Variants in OXSM observed in about 807,000 individuals in gnomAD.
The protein encoded by OXSM is 3-oxoacyl-[acyl-carrier-protein] synthase, mitochondrial.
In OXSM, 19 loss-of-function variants were observed where a neutral mutation model predicts 29.2. The observed-to-expected ratio is 0.65, with a 90% CI of 0.45 to 0.96. The LOEUF (loss-of-function observed/expected upper bound fraction) is 0.96, where lower values mean the gene tolerates loss of function less well. Ranked by LOEUF, OXSM falls within the 40% of genes least tolerant of loss-of-function variation. The pLI is 0.00. For synonymous variants in OXSM, 178 were observed against 197.1 expected (o/e 0.90, Z 0.81); for missense variants, 554 against 551.3 (o/e 1.00, Z -0.05).
At chr3:25,794,025 T>C (rs1031352088) in intron 2 of OXSM, 67 bp from the exon 3 acceptor site, 22 of 1,400,788 alleles carry the variant, frequency 1.6e-5, no homozygotes, top group Non-Finnish European at 1.9e-5. Flanking sequence ...ACATAAGCCA[T>C]ACAGATAAAG....
Position 25,794,310 on chromosome 3 carries a change from C to A in OXSM, c.1196C>A (p.Thr399Lys). ...GGGGCAGTCGAGGCAGCTTTTACCA[C>A]ATTAGCTTGTTATTATCAAAAACTA... Reference protein sequence around the residue: ...AAGAVEAAFTTLACYYQKLPP... With the variant: ...AAGAVEAAFTKLACYYQKLPP... Residue 399 changes from threonine to lysine, a missense_variant, in exon 3 of 3, where the codon ACA becomes AAA. Transcript: ENST00000280701. 1 of 1,614,202 alleles carries A rather than the reference C, an allele frequency of 6.2e-7. No homozygotes were observed. The highest frequency in any genetic ancestry group is 1.1e-5 in the South Asian group (1 of 91,086).
Position 25,791,996 on chromosome 3 carries a change from A to T in OXSM, c.976A>T (p.Arg326Trp), listed in dbSNP as rs747046879. 6.3e-7 allele frequency: 1 copy of T among 1,591,144 alleles called. No homozygotes were observed. The highest frequency in any genetic ancestry group is 1.1e-5 in the South Asian group (1 of 89,826). ...TGATCCTGAAGGAGAAGGTGCCTTA[A>T]GGTAAAGATGGGTTATTTCCTTCGA... ...APDPEGEGAL[R>W]CMAAALKDAG... The change falls in exon 2 of 3, where the codon AGG becomes TGG. Residue 326 changes from arginine to tryptophan, a missense_variant and splice_region_variant. Physicochemically the swap from Arg to Trp is moderately radical, Grantham distance 101 (BLOSUM62 -3). Transcript: ENST00000280701.
chr3:25,794,234 C>G lies in OXSM; in HGVS notation c.1120C>G (p.Leu374Val). The G allele has an allele frequency of 6.2e-7, 1 of 1,614,226 alleles. No homozygotes were observed. ...KHLFKDHAYA[L>V]AVSSTKGATG... ...TCTCTTCAAAGACCATGCATATGCCCTTGCAGTTTCCTCAACTAAGGGAGC... is the reference window on the plus strand; with the variant it reads ...TCTCTTCAAAGACCATGCATATGCCGTTGCAGTTTCCTCAACTAAGGGAGC... The change falls in exon 3 of 3, where the codon CTT becomes GTT. Residue 374 changes from leucine (L) to valine (V), a missense_variant. Transcript: ENST00000280701.
In OXSM at chr3:25,791,004, T is replaced by A. The variant is rs759452393; in HGVS notation, c.-17T>A. 3.1e-6 allele frequency: 5 copies of A among 1,599,728 alleles called. No individual in the cohort carries two copies. ...GTCTTTTACAGGAATGTGTTTCTGA[T>A]CATCTGAATCTTAATCATGTCCAAC... On this transcript the variant is annotated 5_prime_UTR_variant, in exon 2 of 3. Transcript: ENST00000280701.
intron 2 of OXSM, among the ~76,000 whole-genome samples, chr3:25,792,626 G>C (rs776896364): frequency 2.6e-5 from 4 of 152,016 alleles, no homozygotes; most frequent in Non-Finnish European, 2.9e-5. Context: ...ACAGGAATGC[G>C]CCACTGAGAC....
In OXSM at chr3:25,791,938, A is replaced by G. The variant is rs1166405193; in HGVS notation, c.918A>G (p.Gly306=). 13 of 1,601,106 alleles carry G rather than the reference A, an allele frequency of 8.1e-6. No individual in the cohort carries two copies. Among genetic ancestry groups the G allele is most frequent in the Non-Finnish European group, 1.1e-5 (13 of 1,179,836 alleles). ...TCTATGCAGAAGTTTTGGGCTATGG[A>G]CTCTCAGGTGATGCTGGTCACATAA... ...ARIYAEVLGY[G]LSGDAGHITA... is the part of the protein sequence containing the mutation. The change falls in exon 2 of 3, where the codon GGA becomes GGG. Residue 306 remains glycine (G), a synonymous_variant. Transcript: ENST00000280701.
Position 25,794,291 on chromosome 3 carries a change from G to A in OXSM, c.1177G>A (p.Val393Ile). 6.2e-7 allele frequency: 1 copy of A among 1,614,238 alleles called. No individual in the cohort carries two copies. Among genetic ancestry groups the A allele is most frequent in the Non-Finnish European group, 8.5e-7 (1 of 1,180,030 alleles). Reference sequence around the variant, plus strand: ...ACATCTGCTGGGAGCTGCAGGGGCAGTCGAGGCAGCTTTTACCACATTAGC... The same window carrying A: ...ACATCTGCTGGGAGCTGCAGGGGCAATCGAGGCAGCTTTTACCACATTAGC... ...TGHLLGAAGA[V>I]EAAFTTLACY... is the part of the protein sequence containing the mutation. Residue 393 changes from valine to isoleucine, a missense_variant, in exon 3 of 3, where the codon GTC becomes ATC. By Grantham distance (29) the Val-to-Ile change is conservative (BLOSUM62 3). Coordinates refer to ENST00000280701, the MANE Select transcript of OXSM (RefSeq NM_017897.3).
chr3:25,790,296 G>T (rs1335510489), intron 1 of OXSM, 149 bp downstream of exon 1: 2 of 276,824 alleles, frequency 7.2e-6, no homozygotes, highest in Non-Finnish European at 1.4e-5. Flanking sequence ...TACATGTGTG[G>T]TGGTGCCTGA....
At position 25,794,329 on chromosome 3, in the gene OXSM, A is replaced by C. The variant is rs776176927; in HGVS notation, c.1215A>C (p.Gln405His). The C allele has an allele frequency of 6.2e-7, 1 of 1,614,230 alleles. No homozygotes were observed. Among genetic ancestry groups the C allele is most frequent in the South Asian group, 1.1e-5 (1 of 91,090 alleles). Residue 405 changes from glutamine to histidine, a missense_variant, in exon 3 of 3, where the codon CAA becomes CAC. Gln to His is a conservative substitution (Grantham distance 24, BLOSUM62 0). Transcript: ENST00000280701. ...TTACCACATTAGCTTGTTATTATCA[A>C]AAACTACCACCTACTTTAAACCTGG... The part of the protein sequence containing the change: ...AAFTTLACYY[Q>H]KLPPTLNLDC...
Position 25,793,221 on chromosome 3 carries a change from T to C in OXSM, c.978-871T>C, listed in dbSNP as rs747046647. ...AGAGCAAGAGCTGGTCTCAAACTCC[T>C]GGCCTCAAGCAGTCCTCCTGCCTTG... is the stretch of plus-strand genomic sequence containing the variant. On this transcript the variant is annotated intron_variant, in intron 2 of 2. Transcript: ENST00000280701. 3.9e-5 allele frequency among the ~76,000 whole-genome samples: 6 copies of C among 152,040 alleles called. No individual in the cohort carries two copies. In the East Asian group the frequency reaches 1.2e-3, roughly 29 times the overall value.
rs17017016 is a variant in OXSM at position 25,791,737 on chromosome 3, T to C, written c.717T>C (p.Cys239=). 7.4e-3 allele frequency: 11,928 copies of C among 1,614,122 alleles called. 792 individuals carry two copies. In the African/African-American group the frequency reaches 0.14, roughly 19 times the overall value. ...TGGTGGCTGGAGGTACAGATTCTTG[T>C]ATTAGCCCTTTATCTCTTGCTGGGT... The part of the protein sequence containing the change: ...DVMVAGGTDS[C]ISPLSLAGFS... Residue 239 remains cysteine (C), a synonymous_variant, in exon 2 of 3, where the codon TGT becomes TGC. Transcript: ENST00000280701.
rs761227163 is a variant in OXSM, at chr3:25,791,068, T to A, written c.48T>A (p.Leu16=). ...QNFLKITSTR[L]LCSRLCQQLR... ...TCCTGAAAATTACAAGCACTCGTCT[T>A]CTATGTTCAAGATTATGCCAACAGT... The change falls in exon 2 of 3, where the codon CTT becomes CTA. Residue 16 remains leucine, a synonymous_variant. Transcript: ENST00000280701. 1.2e-6 allele frequency: 2 copies of A among 1,613,848 alleles called. No homozygotes were observed. The highest frequency in any genetic ancestry group is 1.7e-6 in the Non-Finnish European group (2 of 1,179,694).
At chr3:25,792,376 T>C (rs1708779333) in intron 2 of OXSM, among the ~76,000 whole-genome samples, 1 of 152,212 alleles carries the variant, frequency 6.6e-6, no homozygotes, top group Non-Finnish European at 1.5e-5. Flanking sequence ...TTTTGCTCCA[T>C]TTCAACAGGA....
rs745995195 is a variant in OXSM, at chr3:25,791,880, A to G, written c.860A>G (p.Glu287Gly). ...GEGAAVLVLE[E>G]YEHAVQRRAR... is the part of the protein sequence containing the mutation. Reference sequence around the variant, plus strand: ...GGTGCAGCTGTGCTGGTGCTGGAAGAATATGAACATGCTGTTCAAAGAAGA... The same window carrying G: ...GGTGCAGCTGTGCTGGTGCTGGAAGGATATGAACATGCTGTTCAAAGAAGA... The change falls in exon 2 of 3, where the codon GAA becomes GGA. Residue 287 changes from glutamate (E) to glycine (G), a missense_variant. Transcript: ENST00000280701. 1.9e-6 allele frequency: 3 copies of G among 1,611,734 alleles called. No individual in the cohort carries two copies. Among genetic ancestry groups the G allele is most frequent in the South Asian group, 2.2e-5 (2 of 91,086 alleles).
chr3:25,790,938 C>A, intron 1 of OXSM, 52 bp from the exon 2 acceptor site: 2 of 1,357,536 alleles, frequency 1.5e-6, no homozygotes, highest in South Asian at 2.8e-5. Flanking sequence ...TTTCCTTAGG[C>A]CCTTAAGCTA....
chr3:25,793,941 A>C (rs1012779717), intron 2 of OXSM, 151 bp from the exon 3 acceptor site: 1 of 658,858 alleles, frequency 1.5e-6, no homozygotes, highest in South Asian at 2.0e-5. Context: ...TCACATGGTA[A>C]TCCAAGATAG....
chr3:25,791,248 G>A lies in OXSM; in HGVS notation c.228G>A (p.Leu76=). 6.2e-7 allele frequency: 1 copy of A among 1,614,198 alleles called. No individual in the cohort carries two copies. Among genetic ancestry groups the A allele is most frequent in the Non-Finnish European group, 8.5e-7 (1 of 1,180,024 alleles). ...GAGGAGAGAGTGGAATTGTTTCACTGGTTGGTGAAGAGTATAAGAGTATCC... is the reference window on the plus strand; with the variant it reads ...GAGGAGAGAGTGGAATTGTTTCACTAGTTGGTGAAGAGTATAAGAGTATCC... ...LIGGESGIVS[L]VGEEYKSIPC... The change falls in exon 2 of 3, where the codon CTG becomes CTA. Residue 76 remains leucine (L), a synonymous_variant. Transcript: ENST00000280701.
rs201357600 is a variant in OXSM at position 25,794,293 on chromosome 3, C to T, written c.1179C>T (p.Val393=). The change falls in exon 3 of 3, where the codon GTC becomes GTT. Residue 393 remains valine (V), a synonymous_variant. Transcript: ENST00000280701. The stretch of plus-strand genomic sequence containing the variant: ...ATCTGCTGGGAGCTGCAGGGGCAGT[C>T]GAGGCAGCTTTTACCACATTAGCTT... ...TGHLLGAAGA[V]EAAFTTLACY... 6.2e-6 allele frequency: 10 copies of T among 1,614,170 alleles called. 1 individual carries two copies. Among genetic ancestry groups the T allele is most frequent in the African/African-American group, 2.7e-5 (2 of 75,054 alleles).
At position 25,791,370 on chromosome 3, in the gene OXSM, C is replaced by T. The variant is rs2125339774; in HGVS notation, c.350C>T (p.Ser117Phe). The stretch of plus-strand genomic sequence containing the variant: ...AAATCAGATATCAAGTCCATGTCTT[C>T]TCCCACCATCATGGCCATTGGGGCT... ...VSKSDIKSMSSPTIMAIGAAE... is the reference protein window; with the variant it reads ...VSKSDIKSMSFPTIMAIGAAE... The change falls in exon 2 of 3, where the codon TCT becomes TTT. Residue 117 changes from serine to phenylalanine, a missense_variant. Ser to Phe is a radical substitution (Grantham distance 155). Coordinates refer to ENST00000280701, the MANE Select transcript of OXSM (RefSeq NM_017897.3). 2 of 1,614,168 alleles carry T rather than the reference C, an allele frequency of 1.2e-6. No individual in the cohort carries two copies. Among genetic ancestry groups the T allele is most frequent in the East Asian group, 2.2e-5 (1 of 44,890 alleles).
Sources: allele counts gnomAD v4.1 joint callset (sites outside exome capture counted in the v4.1 genomes callset), GRCh38; gene constraint gnomAD v4.1.1; transcripts MANE v1.5; gene names NCBI Gene and HGNC (gene_info 2026-07-23, HGNC 2026-07-21).